The following IPO7 variants were observed in gnomAD, a reference collection of about 807,000 sequenced individuals.
The protein encoded by IPO7 is importin 7.
IPO7 carries 13 observed loss-of-function variants against 136.4 expected under a neutral mutation model. The observed-to-expected ratio is 0.10, with a 90% CI of 0.06 to 0.15. IPO7 has a LOEUF of 0.15. Among genes scored for constraint, IPO7 ranks in the 10% least tolerant of loss-of-function variants. IPO7 has a pLI of 1.00. For missense variants in IPO7, 857 were observed against 1,240.6 expected (o/e 0.69, Z 4.65); for synonymous variants, 403 against 404.4 (o/e 1.00, Z 0.04).
Position 9,442,068 on chromosome 11 carries a change from T to C in IPO7, c.2903-13T>C. ...ATTCATGTTGTTTTTCCCTTGTTTTTATTTTTTGATAGCTATTCAAAATCG... is the reference window on the plus strand; with the variant it reads ...ATTCATGTTGTTTTTCCCTTGTTTTCATTTTTTGATAGCTATTCAAAATCG... On this transcript the variant is annotated splice_polypyrimidine_tract_variant and intron_variant, in intron 23 of 24. Transcript: ENST00000379719. 1 of 1,305,998 alleles carries C rather than the reference T, an allele frequency of 7.7e-7. No individual in the cohort carries two copies. The highest frequency in any genetic ancestry group is 1.1e-6 in the Non-Finnish European group (1 of 901,134). 80.9% of individuals were successfully genotyped at this position (1,305,998 alleles called of 1,614,324 possible).
At chr11:9,417,458 T>C (rs1855056832) in intron 6 of IPO7, among the ~76,000 whole-genome samples, 4 of 152,142 alleles carry the variant, frequency 2.6e-5, no homozygotes, top group African/African-American at 9.6e-5. Flanking sequence ...TAGCTGGCTC[T>C]TAGCCTAGTT....
rs771996254 is a variant in IPO7, at chr11:9,414,241, A to G, written c.480-14A>G. 6.3e-7 allele frequency: 1 copy of G among 1,587,940 alleles called. No homozygotes were observed. Among genetic ancestry groups the G allele is most frequent in the South Asian group, 1.1e-5 (1 of 87,664 alleles). On this transcript the variant is annotated splice_polypyrimidine_tract_variant and intron_variant, in intron 4 of 24. Coordinates refer to ENST00000379719, the MANE Select transcript of IPO7 (RefSeq NM_006391.3). ...ATAAATTCTTACAGAATTAGTTTGT[A>G]TTCCTACTCAAAGGTATAAAAAACC...
chr11:9,430,673 A>G, intron 15 of IPO7: 1 of 515,654 alleles, frequency 1.9e-6, no homozygotes, highest in South Asian at 3.4e-5. Context: ...AGGTCAAGAG[A>G]AGTCAAGTAG....
At chr11:9,414,575 A>G in intron 5 of IPO7, 164 bp downstream of exon 5, 1 of 431,402 alleles carries the variant, frequency 2.3e-6, no homozygotes, top group Non-Finnish European at 4.1e-6. Context: ...ATAAGTCTAA[A>G]CAAGCATACT....
chr11:9,432,026 C>T (rs2133758402), intron 16 of IPO7, among the ~76,000 whole-genome samples: 1 of 152,160 alleles, frequency 6.6e-6, no homozygotes, highest in East Asian at 1.9e-4. Context: ...CAGTTGAAAG[C>T]CCTCAGGGGA....
intron 1 of IPO7, 87 bp downstream of exon 1, chr11:9,384,934 G>A: frequency 9.7e-7 from 1 of 1,029,766 alleles, no homozygotes; most frequent in Non-Finnish European, 1.4e-6. Context: ...CGGAGGCGCG[G>A]ACGACGTCGT....
At chr11:9,443,930 G>A (rs7949973) in intron 24 of IPO7, among the ~76,000 whole-genome samples, 53,839 of 150,946 alleles carry the variant, frequency 0.36, 10,175 homozygotes, top group Non-Finnish European at 0.43. Flanking sequence ...AAGTTAAATA[G>A]CTCCCAGACA....
intron 2 of IPO7, among the ~76,000 whole-genome samples, chr11:9,406,669 AAG>A (rs1423615888): frequency 6.6e-6 from 1 of 152,092 alleles, no homozygotes; most frequent in Non-Finnish European, 1.5e-5. Context: ...TCAGGAGTTC[AAG>A]ACCAGCCTGG....
chr11:9,444,341 C>A (rs1437884816), intron 24 of IPO7, among the ~76,000 whole-genome samples: 3 of 151,064 alleles, frequency 2.0e-5, no homozygotes, highest in Admixed American at 2.0e-4. Flanking sequence ...AAACAATTAT[C>A]TATAGACTTT....
intron 3 of IPO7, 61 bp downstream of exon 3, chr11:9,408,700 T>G: frequency 8.7e-7 from 1 of 1,145,376 alleles, no homozygotes; most frequent in Non-Finnish European, 1.2e-6. Context: ...TTTTTTGTTT[T>G]TTGGTTTTTT....
intron 4 of IPO7, among the ~76,000 whole-genome samples, chr11:9,413,315 T>C (rs1405214209): frequency 1.3e-5 from 2 of 152,178 alleles, no homozygotes; most frequent in Non-Finnish European, 2.9e-5. Flanking sequence ...TATGGGTTAA[T>C]AGAAGAACTT....
chr11:9,424,578 T>A (rs1855177596), intron 10 of IPO7, among the ~76,000 whole-genome samples: 1 of 152,064 alleles, frequency 6.6e-6, no homozygotes. Flanking sequence ...ACCCCATCTC[T>A]ACTAAAAATA....
intron 1 of IPO7, among the ~76,000 whole-genome samples, chr11:9,402,053 C>G (rs2133729241): frequency 6.6e-6 from 1 of 152,178 alleles, no homozygotes; most frequent in African/African-American, 2.4e-5. Context: ...AAAGAGGAAA[C>G]AGGTGTCACA....
intron 1 of IPO7, among the ~76,000 whole-genome samples, chr11:9,399,228 A>G (rs1320207732): frequency 1.3e-5 from 2 of 151,632 alleles, no homozygotes; most frequent in East Asian, 1.9e-4. Flanking sequence ...CAATGGCACA[A>G]TCTCGGCTCA....
At chr11:9,400,491 G>A (rs1407381877) in intron 1 of IPO7, among the ~76,000 whole-genome samples, 4 of 151,748 alleles carry the variant, frequency 2.6e-5, no homozygotes, top group African/African-American at 9.7e-5. Flanking sequence ...GCGCGATCTC[G>A]GCTCACTGCA....
At chr11:9,438,045 G>GTTTTGTT in intron 21 of IPO7, 35 bp from the exon 22 acceptor site, 1 of 1,087,782 alleles carries the variant, frequency 9.2e-7, no homozygotes, top group Non-Finnish European at 1.2e-6. Flanking sequence ...AAAGAAAACA[G>GTTTTGTT]TTTTTTTTTT....
At chr11:9,430,711 CTA>C (rs1360093938) in intron 15 of IPO7, 162 bp from the exon 16 acceptor site, 1 of 614,738 alleles carries the variant, frequency 1.6e-6, no homozygotes, top group African/African-American at 1.9e-5. Flanking sequence ...AATGAGCAGA[CTA>C]TTTGATTATA....
intron 1 of IPO7, among the ~76,000 whole-genome samples, chr11:9,389,164 G>T (rs913842621): frequency 2.0e-5 from 3 of 151,876 alleles, no homozygotes; most frequent in African/African-American, 7.2e-5. Context: ...GCGATTCTCA[G>T]TCCTCAGCCT....
intron 14 of IPO7, among the ~76,000 whole-genome samples, 174 bp from the exon 15 acceptor site, chr11:9,429,500 C>T (rs1171098952): frequency 6.6e-6 from 1 of 151,614 alleles, no homozygotes; most frequent in Non-Finnish European, 1.5e-5. Context: ...CAAAACCCTG[C>T]CTCTTATAAA....
Sources: gnomAD v4.1 joint callset for allele counts (sites outside exome capture counted in the v4.1 genomes callset) on GRCh38, gnomAD v4.1.1 for gene constraint, MANE v1.5 for transcripts, NCBI Gene and HGNC (gene_info 2026-07-23, HGNC 2026-07-21) for gene names.